GBX1: variants seen among roughly 807,000 people sequenced by gnomAD.
GBX1 encodes homeobox protein GBX-1.
GBX1 carries 9 observed loss-of-function variants against 22.9 expected under a neutral mutation model. That is an observed-to-expected ratio of 0.39 (90% CI 0.24 to 0.69). The LOEUF is 0.69. GBX1 is among the 30% of genes least tolerant of loss of function. The pLI is 0.43. For missense variants in GBX1, 494 were observed against 509.2 expected (o/e 0.97, Z 0.29); for synonymous variants, 203 against 227.3 (o/e 0.89, Z 0.96).
In GBX1 at chr7:151,149,008, C is replaced by T. The variant is rs1801046877; in HGVS notation, c.673G>A (p.Gly225Ser). 1.2e-6 allele frequency: 2 copies of T among 1,614,064 alleles called. No homozygotes were observed. The highest frequency in any genetic ancestry group is 2.2e-5 in the East Asian group (1 of 44,874). The change falls in exon 2 of 2, where the codon GGC becomes AGC. Residue 225 changes from glycine (G) to serine (S), a missense_variant. Gly to Ser is a moderately conservative substitution (Grantham distance 56). Coordinates refer to ENST00000297537, the MANE Select transcript of GBX1 (RefSeq NM_001098834.3). Reference sequence around the variant, plus strand: ...TTAGGTCCCAGAAGAGCCCCTGGGCCCCCTGCAGAACTGTCCAGGAAACCG... The same window carrying T: ...TTAGGTCCCAGAAGAGCCCCTGGGCTCCCTGCAGAACTGTCCAGGAAACCG... ...DDGFLDSSAGGPGALLGPKPK... is the reference protein window; with the variant it reads ...DDGFLDSSAGSPGALLGPKPK...
chr7:151,163,085 C>T (rs770769328), intron 1 of GBX1, among the ~76,000 whole-genome samples: 10 of 152,124 alleles, frequency 6.6e-5, no homozygotes, highest in Admixed American at 4.6e-4. Context: ...GGATTACAGG[C>T]GTGAGCCACC....
At chr7:151,164,495 G>A (rs1801226982) in intron 1 of GBX1, among the ~76,000 whole-genome samples, 1 of 152,284 alleles carries the variant, frequency 6.6e-6, no homozygotes, top group African/African-American at 2.4e-5. Context: ...GCTTGCCCAG[G>A]AAGAGTTGGA....
In GBX1 at chr7:151,167,685, G is replaced by T. The variant is rs1801277064; in HGVS notation, c.-137C>A. On this transcript the variant is annotated 5_prime_UTR_variant, in exon 1 of 2. Coordinates refer to ENST00000297537, the MANE Select transcript of GBX1 (RefSeq NM_001098834.3). The surrounding 1 kb of genome is among the most constrained non-coding windows in gnomAD (Gnocchi z 5.9). ...CGAGGTGGCGGCGGGGCGCGGGCTC[G>T]GCGCAGTGTGGCTCCGGCGCCGCGC... The T allele has an allele frequency of 8.2e-6, 7 of 857,710 alleles. No homozygotes were observed. Among genetic ancestry groups the T allele is most frequent in the Non-Finnish European group, 1.0e-5 (7 of 690,192 alleles). 53.1% of individuals were successfully genotyped at this position (857,710 alleles called of 1,614,324 possible).
In GBX1 at chr7:151,167,459, T is replaced by C. The variant is rs1163181253; in HGVS notation, c.90A>G (p.Leu30=). ...CGGAGCGCGGCGGCGGCGGCCCGAT[T>C]AGGGAGTCGATGGAGAAGGCAGTGC... ...GPGTAFSIDS[L]IGPPPPRSGH... The change falls in exon 1 of 2, where the codon CTA becomes CTG. Residue 30 remains leucine (L), a synonymous_variant. Transcript: ENST00000297537. This position sits in a 1 kb window ranked among gnomAD's most constrained non-coding sequence, Gnocchi z 5.9. 2.6e-6 allele frequency: 4 copies of C among 1,512,884 alleles called. No individual in the cohort carries two copies. The East Asian group carries it at 8.1e-5, about 31-fold the overall frequency. The allele number at this position is 1,512,884 out of a possible 1,614,324, so 93.7% of individuals were successfully genotyped here. A position where few individuals can be genotyped will look rare whatever the true frequency, so the allele number is the denominator to read the frequency against.
At chr7:151,156,415 A>C (rs1166263216) in intron 1 of GBX1, among the ~76,000 whole-genome samples, 3 of 143,670 alleles carry the variant, frequency 2.1e-5, no homozygotes, top group Non-Finnish European at 4.6e-5. Context: ...AAAAAAAAAA[A>C]ACGAAAAAAA....
intron 1 of GBX1, among the ~76,000 whole-genome samples, chr7:151,157,387 G>C (rs1450212995): frequency 1.3e-5 from 2 of 152,126 alleles, no homozygotes; most frequent in Non-Finnish European, 2.9e-5. Context: ...GCTCTTTCTC[G>C]TATAGGTATC....
chr7:151,158,530 G>T (rs1801160336), intron 1 of GBX1, among the ~76,000 whole-genome samples: 1 of 151,812 alleles, frequency 6.6e-6, no homozygotes, highest in African/African-American at 2.4e-5. Flanking sequence ...GTTTTCAGCA[G>T]GCTTGGGATT....
In GBX1 at chr7:151,167,670, G is replaced by T. The variant is rs1801276810; in HGVS notation, c.-122C>A. The T allele has an allele frequency of 2.0e-6, 2 of 1,007,060 alleles. No individual in the cohort carries two copies. The highest frequency in any genetic ancestry group is 2.4e-6 in the Non-Finnish European group (2 of 820,364). 62.4% of individuals were successfully genotyped at this position (1,007,060 alleles called of 1,614,324 possible). ...CCCTGGCTCCCGGGCCGAGGTGGCGGCGGGGCGCGGGCTCGGCGCAGTGTG... is the reference window on the plus strand; with the variant it reads ...CCCTGGCTCCCGGGCCGAGGTGGCGTCGGGGCGCGGGCTCGGCGCAGTGTG... On this transcript the variant is annotated 5_prime_UTR_variant, in exon 1 of 2. Coordinates refer to ENST00000297537, the MANE Select transcript of GBX1 (RefSeq NM_001098834.3). The surrounding 1 kb of genome is among the most constrained non-coding windows in gnomAD (Gnocchi z 5.9).
intron 1 of GBX1, among the ~76,000 whole-genome samples, chr7:151,151,624 C>T (rs1801080331): frequency 6.6e-6 from 1 of 152,212 alleles, no homozygotes. Context: ...TCAAACCTAA[C>T]CTCGATGCCA....
In GBX1 at chr7:151,148,822, T is replaced by C. The variant is rs1320048127; in HGVS notation, c.859A>G (p.Ser287Gly). Residue 287 changes from serine (S) to glycine (G), a missense_variant, in exon 2 of 2, where the codon AGC becomes GGC. Ser to Gly is a moderately conservative substitution (Grantham distance 56). Coordinates refer to ENST00000297537, the MANE Select transcript of GBX1 (RefSeq NM_001098834.3). This position sits in a 1 kb window ranked among gnomAD's most constrained non-coding sequence, Gnocchi z 5.1. ...EKEFHCKKYL[S>G]LTERSQIAHA... is the part of the protein sequence containing the mutation. ...GCGATCTGAGAGCGCTCTGTCAAGCTCAGGTATTTCTTGCAATGAAATTCC... is the reference window on the plus strand; with the variant it reads ...GCGATCTGAGAGCGCTCTGTCAAGCCCAGGTATTTCTTGCAATGAAATTCC... 2 of 1,614,166 alleles carry C rather than the reference T, an allele frequency of 1.2e-6. No individual in the cohort carries two copies. The highest frequency in any genetic ancestry group is 1.3e-5 in the African/African-American group (1 of 75,024).
At chr7:151,165,042 A>G (rs2150551265) in intron 1 of GBX1, among the ~76,000 whole-genome samples, 1 of 152,048 alleles carries the variant, frequency 6.6e-6, no homozygotes, top group Non-Finnish European at 1.5e-5. Flanking sequence ...CCAGTAATAC[A>G]GTTCACTTTT....
At chr7:151,159,896 TAC>T (rs1462858572) in intron 1 of GBX1, among the ~76,000 whole-genome samples, 1 of 152,138 alleles carries the variant, frequency 6.6e-6, no homozygotes. Context: ...GTGACAGCTA[TAC>T]ACAGTCATAG....
At chr7:151,158,419 T>C (rs946575957) in intron 1 of GBX1, among the ~76,000 whole-genome samples, 13 of 152,162 alleles carry the variant, frequency 8.5e-5, no homozygotes, top group African/African-American at 2.9e-4. Flanking sequence ...GGAACAGAAA[T>C]TTTTTGATAA....
intron 1 of GBX1, among the ~76,000 whole-genome samples, chr7:151,163,892 T>G (rs2150550907): frequency 6.6e-6 from 1 of 152,328 alleles, no homozygotes; most frequent in African/African-American, 2.4e-5. Flanking sequence ...TCTACCATTT[T>G]CAATAACTTT....
intron 1 of GBX1, among the ~76,000 whole-genome samples, chr7:151,166,001 T>C (rs1417020648): frequency 6.6e-6 from 1 of 152,158 alleles, no homozygotes; most frequent in Non-Finnish European, 1.5e-5. Flanking sequence ...ATACTAAAGA[T>C]GTTGAAGCAT....
rs1801112588 is a variant in GBX1, at chr7:151,154,463, G to T, written c.539-5321C>A. On this transcript the variant is annotated intron_variant, in intron 1 of 1. Coordinates refer to ENST00000297537, the MANE Select transcript of GBX1 (RefSeq NM_001098834.3). ...CAGACAGAAAGGTTCTGTCCTTTAT[G>T]ATGAGGATGATATTATTGGTAATAA... Among the ~76,000 whole-genome samples, 3 of 152,232 alleles carry T rather than the reference G, an allele frequency of 2.0e-5. No individual in the cohort carries two copies. The South Asian group carries it at 6.2e-4, about 32-fold the overall frequency.
Position 151,167,149 on chromosome 7 carries a change from G to GGGCGGCAGTGGC in GBX1, c.388_399dup (p.Ala130_Ala133dup), listed in dbSNP as rs774820204. On this transcript the variant is annotated inframe_insertion, in exon 1 of 2. Transcript: ENST00000297537. The surrounding 1 kb of genome is among the most constrained non-coding windows in gnomAD (Gnocchi z 5.9). ...CGGCCGCCTGGCTCGGGGTTGTTTC[G>GGGCGGCAGTGGC]GGCGGCAGTGGCGGCGGCGGCGGCA... The GGGCGGCAGTGGC allele has an allele frequency of 2.6e-5, 41 of 1,598,996 alleles. No individual in the cohort carries two copies. Among genetic ancestry groups the GGGCGGCAGTGGC allele is most frequent in the Non-Finnish European group, 3.2e-5 (38 of 1,174,908 alleles).
intron 1 of GBX1, among the ~76,000 whole-genome samples, chr7:151,160,487 C>A (rs1009885362): frequency 4.6e-5 from 7 of 152,218 alleles, no homozygotes; most frequent in East Asian, 1.9e-4. Context: ...CTGTTCCTCC[C>A]AGTCCTCATA....
rs1801272964 is a variant in GBX1, at chr7:151,167,458, T to C, written c.91A>G (p.Ile31Val). 2 of 1,513,030 alleles carry C rather than the reference T, an allele frequency of 1.3e-6. No individual in the cohort carries two copies. Among genetic ancestry groups the C allele is most frequent in the African/African-American group, 2.9e-5 (2 of 68,934 alleles). 93.7% of individuals were successfully genotyped at this position (1,513,030 alleles called of 1,614,324 possible). The change falls in exon 1 of 2, where the codon ATC (isoleucine) becomes GTC (valine). Residue 31 changes from isoleucine to valine, a missense_variant. Around this residue, in one of 3 missense-constraint regions of GBX1, gnomAD observed 365 missense variants for 340.4 expected, o/e 1.07. Transcript: ENST00000297537. This position sits in a 1 kb window ranked among gnomAD's most constrained non-coding sequence, Gnocchi z 5.9. ...CCGGAGCGCGGCGGCGGCGGCCCGA[T>C]TAGGGAGTCGATGGAGAAGGCAGTG... ...PGTAFSIDSLIGPPPPRSGHL... is the reference protein window; with the variant it reads ...PGTAFSIDSLVGPPPPRSGHL...
Sources: gnomAD v4.1 joint callset for allele counts (sites outside exome capture counted in the v4.1 genomes callset) on GRCh38, gnomAD v4.1.1 for gene constraint, gnomAD v4.1.1 regional missense constraint, Gnocchi (gnomAD v3.1) non-coding constraint, MANE v1.5 for transcripts, NCBI Gene and HGNC (gene_info 2026-07-23, HGNC 2026-07-21) for gene names.